Variants in BRD1 observed in about 807,000 individuals in gnomAD.
The protein encoded by BRD1 is bromodomain containing 1.
In BRD1, 24 loss-of-function variants were observed where a neutral mutation model predicts 107.7. That is an observed-to-expected ratio of 0.22 (90% CI 0.16 to 0.31). The LOEUF is 0.31. Among genes scored for constraint, BRD1 ranks in the 10% least tolerant of loss-of-function variants. The pLI, the probability that BRD1 is intolerant of heterozygous loss-of-function variation, is 1.00. For synonymous variants in BRD1, 744 were observed against 686.1 expected, an observed-to-expected ratio of 1.08 and a Z score of -1.32; for missense variants, 1,279 against 1,638.6, an observed-to-expected ratio of 0.78 and a Z score of 3.79.
At chr22:49,801,382 A>G (rs1450729631) in intron 3 of BRD1, among the ~76,000 whole-genome samples, 3 of 152,224 alleles carry the variant, frequency 2.0e-5, no homozygotes, top group Admixed American at 1.3e-4. Flanking sequence ...GACCCCGTCC[A>G]GTTCATCCAC....
intron 8 of BRD1, among the ~76,000 whole-genome samples, chr22:49,778,646 G>C (rs963091402): frequency 1.6e-4 from 25 of 152,160 alleles, no homozygotes; most frequent in African/African-American, 5.8e-4. Flanking sequence ...GGGTGTCAGA[G>C]CTAAAGGGGT....
rs1483492972 is a variant in BRD1, at chr22:49,783,862, G to A, written c.2857+3528C>T. On this transcript the variant is annotated intron_variant, in intron 8 of 12. Coordinates refer to ENST00000404760, the MANE Select transcript of BRD1 (RefSeq NM_001304808.3). This position sits in a 1 kb window ranked among gnomAD's most constrained non-coding sequence, Gnocchi z 4.2. ...AATTAAGTGAAAGGCAAGATGCAGTGATCTTTGTGCATTCCAAAACGGCCG... is the reference window on the plus strand; with the variant it reads ...AATTAAGTGAAAGGCAAGATGCAGTAATCTTTGTGCATTCCAAAACGGCCG... Among the ~76,000 whole-genome samples the A allele has an allele frequency of 6.6e-6, 1 of 152,252 alleles. No individual in the cohort carries two copies. The highest frequency in any genetic ancestry group is 2.4e-5 in the African/African-American group (1 of 41,464).
intron 2 of BRD1, among the ~76,000 whole-genome samples, 173 bp from the exon 3 acceptor site, chr22:49,804,533 T>C (rs540349980): frequency 4.6e-5 from 7 of 152,320 alleles, no homozygotes; most frequent in African/African-American, 1.7e-4. Flanking sequence ...AAATTCACGA[T>C]CTCCAACCAT....
Position 49,799,016 on chromosome 22 carries a change from C to A in BRD1, c.1628G>T (p.Arg543Leu). 6.2e-7 allele frequency: 1 copy of A among 1,610,480 alleles called. No individual in the cohort carries two copies. The highest frequency in any genetic ancestry group is 8.5e-7 in the Non-Finnish European group (1 of 1,179,472). The change falls in exon 4 of 13, where the codon CGC (arginine) becomes CTC (leucine). Residue 543 changes from arginine (R) to leucine (L), a missense_variant. Arg to Leu is a moderately radical substitution (Grantham distance 102). Coordinates refer to ENST00000404760, the MANE Select transcript of BRD1 (RefSeq NM_001304808.3). Reference protein sequence around the residue: ...ERARLLIELLRKREKLKREQV... With the variant: ...ERARLLIELLLKREKLKREQV... ...CTCACGCTTGAGCTTCTCCCGCTTGCGCAGCAGCTCGATCAGCAGGCGAGC... is the reference window on the plus strand; with the variant it reads ...CTCACGCTTGAGCTTCTCCCGCTTGAGCAGCAGCTCGATCAGCAGGCGAGC...
chr22:49,820,487 G>A lies in BRD1; in HGVS notation c.1367+2464C>T, dbSNP rs542999303. Among the ~76,000 whole-genome samples the A allele has an allele frequency of 3.3e-5, 5 of 152,284 alleles. No individual in the cohort carries two copies. The South Asian group carries it at 8.3e-4, about 25-fold the overall frequency. On this transcript the variant is annotated intron_variant, in intron 2 of 12. Transcript: ENST00000404760. ...ACAGTGGCTCGTGCCTGTATTCCCA[G>A]CTGAGGCTGGGAGGAGGCTGAGGCG...
In BRD1 at chr22:49,804,302, C is replaced by T; in HGVS notation, c.1426G>A (p.Ala476Thr). 1 of 1,610,858 alleles carries T rather than the reference C, an allele frequency of 6.2e-7. No individual in the cohort carries two copies. The highest frequency in any genetic ancestry group is 8.5e-7 in the Non-Finnish European group (1 of 1,178,482). ...CGCTTGAGCAGCCAGTAGCTGTGGG[C>T]TCGCTCCACAAACTGCTTCTTCCGC... ...IQRKKQFVER[A>T]HSYWLLKRLS... The change falls in exon 3 of 13, where the codon GCC (alanine) becomes ACC (threonine). Residue 476 changes from alanine (A) to threonine (T), a missense_variant. Physicochemically the swap from Ala to Thr is moderately conservative, Grantham distance 58. Transcript: ENST00000404760.
intron 2 of BRD1, among the ~76,000 whole-genome samples, chr22:49,816,226 C>T (rs138871): frequency 0.27 from 40,360 of 152,134 alleles, 8,676 homozygotes; most frequent in African/African-American, 0.6. Context: ...GGCTCTAATC[C>T]GTAACCCTAG....
intron 2 of BRD1, among the ~76,000 whole-genome samples, chr22:49,821,245 G>A (rs1044744796): frequency 1.3e-5 from 2 of 152,154 alleles, no homozygotes; most frequent in African/African-American, 4.8e-5. Context: ...TACTGGCCAG[G>A]GAAGGGAGCA....
chr22:49,809,705 G>A (rs1569126706), intron 2 of BRD1, among the ~76,000 whole-genome samples: 1 of 152,150 alleles, frequency 6.6e-6, no homozygotes, highest in Non-Finnish European at 1.5e-5. Context: ...CATGACTGGA[G>A]TGAAGAGGGC....
intron 2 of BRD1, among the ~76,000 whole-genome samples, chr22:49,814,343 A>T (rs1339741932): frequency 3.3e-5 from 5 of 152,184 alleles, no homozygotes; most frequent in African/African-American, 7.2e-5. Context: ...AGGTGGTGCG[A>T]GGTGGAGGAC....
rs2060126297 is a variant in BRD1, at chr22:49,824,592, C to T, written c.-14-261G>A. 3.1e-6 allele frequency: 4 copies of T among 1,301,962 alleles called. No homozygotes were observed. The highest frequency in any genetic ancestry group is 2.9e-6 in the Non-Finnish European group (3 of 1,018,270). 80.7% of individuals were successfully genotyped at this position (1,301,962 alleles called of 1,614,324 possible). ...GAGCACCTGCGTCCCTACCACCACA[C>T]ACCAGTCCCCTCTCAGACCACACCA... On this transcript the variant is annotated intron_variant, in intron 1 of 12. Transcript: ENST00000404760. The surrounding 1 kb of genome is among the most constrained non-coding windows in gnomAD (Gnocchi z 5.9).
At chr22:49,818,392 T>C in intron 2 of BRD1, 4 of 1,179,764 alleles carry the variant, frequency 3.4e-6, no homozygotes, top group South Asian at 1.6e-5. Flanking sequence ...ACCTAGGAGT[T>C]TTGTTAAACA....
chr22:49,820,423 C>T (rs2060043365), intron 2 of BRD1, among the ~76,000 whole-genome samples: 1 of 152,062 alleles, frequency 6.6e-6, no homozygotes. Context: ...GCATCCCCGC[C>T]CACGGCTGCA....
intron 3 of BRD1, among the ~76,000 whole-genome samples, chr22:49,802,192 A>G: frequency 7.2e-6 from 1 of 139,070 alleles, no homozygotes; most frequent in Admixed American, 7.1e-5. Flanking sequence ...GCCGAGACCA[A>G]TGCCTCCACT....
At chr22:49,819,693 C>T (rs1374881941) in intron 2 of BRD1, among the ~76,000 whole-genome samples, 1 of 151,454 alleles carries the variant, frequency 6.6e-6, no homozygotes, top group African/African-American at 2.4e-5. Flanking sequence ...TCGTGATCTA[C>T]CCACCTCGGC....
Position 49,824,571 on chromosome 22 carries a change from A to G in BRD1, c.-14-240T>C. On this transcript the variant is annotated intron_variant, in intron 1 of 12. Coordinates refer to ENST00000404760, the MANE Select transcript of BRD1 (RefSeq NM_001304808.3). The surrounding 1 kb of genome is among the most constrained non-coding windows in gnomAD (Gnocchi z 5.9). ...GGCAGCCTGAGGAGCCCTCCTGAGC[A>G]CCTGCGTCCCTACCACCACACACCA... The G allele has an allele frequency of 3.0e-6, 4 of 1,343,964 alleles. No individual in the cohort carries two copies. The highest frequency in any genetic ancestry group is 3.8e-6 in the Non-Finnish European group (4 of 1,044,426). 83.3% of individuals were successfully genotyped at this position (1,343,964 alleles called of 1,614,324 possible).
chr22:49,795,966 G>A (rs918818648), intron 6 of BRD1, among the ~76,000 whole-genome samples: 2 of 152,136 alleles, frequency 1.3e-5, no homozygotes, highest in Non-Finnish European at 2.9e-5. Context: ...AGCTCCACCC[G>A]GGTTCACCAA....
intron 2 of BRD1, chr22:49,818,107 A>T: frequency 1.6e-6 from 1 of 631,910 alleles, no homozygotes; most frequent in Non-Finnish European, 2.0e-6. Context: ...TCATCCTTTT[A>T]AACTCAAAAT....
At position 49,794,202 on chromosome 22, in the gene BRD1, T is replaced by C. The variant is rs1164758302; in HGVS notation, c.2191A>G (p.Met731Val). Residue 731 changes from methionine (M) to valine (V), a missense_variant, in exon 7 of 13, where the codon ATG (methionine) becomes GTG (valine). Transcript: ENST00000404760. ...LLDMLDLTCA[M>V]KSSGSRSKRA... The stretch of plus-strand genomic sequence containing the variant: ...TTGCTCCGGGAGCCGCTGGACTTCA[T>C]AGCGCAGGTGAGGTCGAGCATGTCC... 2 of 1,614,200 alleles carry C rather than the reference T, an allele frequency of 1.2e-6. No individual in the cohort carries two copies. The highest frequency in any genetic ancestry group is 1.1e-5 in the South Asian group (1 of 91,082).
Sources: allele counts gnomAD v4.1 joint callset (sites outside exome capture counted in the v4.1 genomes callset), GRCh38; gene constraint gnomAD v4.1.1; non-coding constraint Gnocchi (gnomAD v3.1); transcripts MANE v1.5; gene names NCBI Gene and HGNC (gene_info 2026-07-23, HGNC 2026-07-21).